DDX1: variants seen among roughly 807,000 people sequenced by gnomAD.
DDX1 encodes ATP-dependent RNA helicase DDX1.
Under a neutral mutation model 108.7 loss-of-function variants are expected in DDX1, and 28 were observed. That is an observed-to-expected ratio of 0.26 (90% CI 0.19 to 0.35). DDX1 has a LOEUF of 0.35. Ranked by LOEUF, DDX1 falls within the 10% of genes least tolerant of loss-of-function variation. DDX1 has a pLI of 1.00. For missense variants in DDX1, 710 were observed against 884.5 expected, an observed-to-expected ratio of 0.80 and a Z score of 2.50; for synonymous variants, 295 against 288.9, an observed-to-expected ratio of 1.02 and a Z score of -0.21.
intron 8 of DDX1, 41 bp from the exon 9 acceptor site, chr2:15,603,768 TTTATA>T: frequency 7.6e-7 from 1 of 1,321,300 alleles, no homozygotes; most frequent in Non-Finnish European, 1.1e-6. Context: ...GTCTTTTAAT[TTTATA>T]TTTTCTCTTA....
In DDX1 at chr2:15,592,092, C is replaced by G. The variant is rs1665422854; in HGVS notation, c.16+143C>G. On this transcript the variant is annotated intron_variant, in intron 1 of 25. Transcript: ENST00000233084. ...GCTGTCCGCTGCAGTCCCTGATGGA[C>G]CCGCGTTGCGGGATCAGGGGCGGCC... 3 of 796,568 alleles carry G rather than the reference C, an allele frequency of 3.8e-6. No homozygotes were observed. The South Asian group carries it at 1.3e-4, about 34-fold the overall frequency. 49.3% of individuals were successfully genotyped at this position (796,568 alleles called of 1,614,324 possible).
At chr2:15,624,856 G>A (rs1393810619) in intron 19 of DDX1, among the ~76,000 whole-genome samples, 1 of 152,112 alleles carries the variant, frequency 6.6e-6, no homozygotes, top group African/African-American at 2.4e-5. Flanking sequence ...ATAGATTGTT[G>A]GTGAGAATAT....
chr2:15,595,347 T>A, intron 2 of DDX1, 143 bp from the exon 3 acceptor site: 1 of 930,030 alleles, frequency 1.1e-6, no homozygotes, highest in South Asian at 1.7e-5. Context: ...GTTTCCTTTT[T>A]TTAACCTTGA....
At chr2:15,607,355 T>C (rs1409394253) in intron 13 of DDX1, 42 bp downstream of exon 13, 1 of 1,579,444 alleles carries the variant, frequency 6.3e-7, no homozygotes, top group African/African-American at 1.4e-5. Context: ...TGTCTTTTGG[T>C]TTGAAGTTTT....
chr2:15,603,581 A>C (rs1449249674), intron 8 of DDX1, among the ~76,000 whole-genome samples: 1 of 152,184 alleles, frequency 6.6e-6, no homozygotes, highest in African/African-American at 2.4e-5. Flanking sequence ...CTTGCATCTG[A>C]ATTTCTTAGT....
chr2:15,592,479 T>G (rs1558449160), intron 1 of DDX1, among the ~76,000 whole-genome samples: 1 of 152,256 alleles, frequency 6.6e-6, no homozygotes, highest in Non-Finnish European at 1.5e-5. Context: ...TCTTAAACGT[T>G]GTTATATCAA....
chr2:15,611,399 G>C (rs1024467820), intron 13 of DDX1, among the ~76,000 whole-genome samples: 1 of 150,800 alleles, frequency 6.6e-6, no homozygotes, highest in African/African-American at 2.5e-5. Context: ...GAGCTGCCGG[G>C]CACACCTCCC....
At chr2:15,597,313 T>C in intron 4 of DDX1, 62 bp from the exon 5 acceptor site, 2 of 1,014,130 alleles carry the variant, frequency 2.0e-6, no homozygotes, top group Non-Finnish European at 3.0e-6. Flanking sequence ...TCATTTATAT[T>C]GGTTATTAAA....
Position 15,595,380 on chromosome 2 carries a change from G to GGATC in DDX1, c.69-108_69-105dup. 4.2e-6 allele frequency: 4 copies of GGATC among 957,854 alleles called. No individual in the cohort carries two copies. The South Asian group carries it at 5.9e-5, about 14-fold the overall frequency. 59.3% of individuals were successfully genotyped at this position (957,854 alleles called of 1,614,324 possible). A position where few individuals can be genotyped will look rare whatever the true frequency, so the allele number is the denominator to read the frequency against. On this transcript the variant is annotated intron_variant, in intron 2 of 25. Transcript: ENST00000233084. ...TGACATATTTCTAGTGGAATAAGAT[G>GGATC]GATCGTATTTACCACGTAAAATTTT...
At chr2:15,629,566 C>T (rs778912531) in intron 23 of DDX1, 36 bp from the exon 24 acceptor site, 1 of 1,413,044 alleles carries the variant, frequency 7.1e-7, no homozygotes, top group African/African-American at 1.4e-5. Context: ...GTCTCTATCT[C>T]CATGCATGTT....
At chr2:15,630,168 T>G in intron 25 of DDX1, 58 bp downstream of exon 25, 1 of 1,573,594 alleles carries the variant, frequency 6.4e-7, no homozygotes, top group Non-Finnish European at 8.7e-7. Context: ...GTTTTGAACT[T>G]CGGTTTGGGA....
At chr2:15,619,299 C>T (rs1310450323) in intron 16 of DDX1, among the ~76,000 whole-genome samples, 4 of 152,232 alleles carry the variant, frequency 2.6e-5, no homozygotes, top group South Asian at 2.1e-4. Context: ...GTGCCCTCCC[C>T]GCAGCAGTGG....
chr2:15,611,818 C>G (rs1449261029), intron 13 of DDX1, among the ~76,000 whole-genome samples: 7 of 91,330 alleles, frequency 7.7e-5, no homozygotes, highest in African/African-American at 1.1e-4. Context: ...CCGGACGGGG[C>G]GGCTGGCCGG....
chr2:15,626,028 A>G (rs1000012596), intron 19 of DDX1, among the ~76,000 whole-genome samples: 11 of 152,128 alleles, frequency 7.2e-5, no homozygotes, highest in African/African-American at 2.7e-4. Context: ...TTGATTAAGT[A>G]GTAATATCCC....
At position 15,623,489 on chromosome 2, in the gene DDX1, A is replaced by G; in HGVS notation, c.1501A>G (p.Ile501Val). 2.5e-6 allele frequency: 4 copies of G among 1,613,686 alleles called. No individual in the cohort carries two copies. Among genetic ancestry groups the G allele is most frequent in the South Asian group, 1.1e-5 (1 of 91,074 alleles). Residue 501 changes from isoleucine to valine, a missense_variant, in exon 19 of 26, where the codon ATC becomes GTC. Ile to Val is a conservative substitution (Grantham distance 29, BLOSUM62 3). Transcript: ENST00000233084. ...ILKGEYAVRA[I>V]KEHKMDQAII... ...GAAAGGGGAGTATGCTGTCCGGGCA[A>G]TCAAGGAACATAAGATGGATCAAGC...
chr2:15,605,923 A>ATCTC (rs72043264), intron 10 of DDX1, 27 bp from the exon 11 acceptor site: 1 of 1,357,654 alleles, frequency 7.4e-7, no homozygotes, highest in Non-Finnish European at 1.0e-6. Flanking sequence ...GATTGTTTTA[A>ATCTC]TCTCTCTCTC....
intron 19 of DDX1, among the ~76,000 whole-genome samples, chr2:15,625,753 C>T (rs1666092683): frequency 6.6e-6 from 1 of 151,886 alleles, no homozygotes; most frequent in South Asian, 2.1e-4. Flanking sequence ...CATTATTGTA[C>T]TGAGGAAAGA....
At chr2:15,597,604 C>A in intron 5 of DDX1, 133 bp downstream of exon 5, 1 of 624,180 alleles carries the variant, frequency 1.6e-6, no homozygotes, top group Non-Finnish European at 2.8e-6. Flanking sequence ...GGATCTGGAA[C>A]CCTGGAAACC....
chr2:15,592,149 G>A (rs1241579968), intron 1 of DDX1, among the ~76,000 whole-genome samples, 200 bp downstream of exon 1: 1 of 152,232 alleles, frequency 6.6e-6, no homozygotes, highest in Non-Finnish European at 1.5e-5. Context: ...ATTCTTCCCA[G>A]GAGCGGGCCG....
Sources: gnomAD v4.1 joint callset for allele counts (sites outside exome capture counted in the v4.1 genomes callset) on GRCh38, gnomAD v4.1.1 for gene constraint, MANE v1.5 for transcripts, NCBI Gene and HGNC (gene_info 2026-07-23, HGNC 2026-07-21) for gene names.